Variants in OSBPL1A observed in about 807,000 individuals in gnomAD.
The protein encoded by OSBPL1A is oxysterol binding protein like 1A, also known as oxysterol-binding protein-related protein 1.
Under a neutral mutation model 137.1 loss-of-function variants are expected in OSBPL1A, and 80 were observed. The ratio of observed to expected loss-of-function variants is 0.58; its 90% confidence interval spans 0.49 to 0.70. OSBPL1A has a LOEUF of 0.70. Among genes scored for constraint, OSBPL1A ranks in the 30% least tolerant of loss-of-function variants. The pLI is 0.00. For synonymous variants in OSBPL1A, 365 were observed against 389.7 expected (o/e 0.94, Z 0.75); for missense variants, 970 against 1,129.4 (o/e 0.86, Z 2.02).
rs1305468927 is a variant in OSBPL1A at position 24,260,796 on chromosome 18, T to G, written c.1281+20046A>C. 4.0e-5 allele frequency among the ~76,000 whole-genome samples: 6 copies of G among 149,726 alleles called. No homozygotes were observed. In the South Asian group the frequency reaches 1.3e-3, roughly 32 times the overall value. On this transcript the variant is annotated intron_variant, in intron 15 of 27. Transcript: ENST00000319481. ...GCTCAAAAGAGTGAATTTTATGTTATGTGAATTCTATCCCATTTTTCCCCA... is the reference window on the plus strand; with the variant it reads ...GCTCAAAAGAGTGAATTTTATGTTAGGTGAATTCTATCCCATTTTTCCCCA...
intron 24 of OSBPL1A, among the ~76,000 whole-genome samples, chr18:24,167,920 T>C (rs953344834): frequency 2.0e-5 from 3 of 152,164 alleles, no homozygotes; most frequent in Non-Finnish European, 2.9e-5. Context: ...TTGAACACAG[T>C]GTGGGAAGCC....
Position 24,288,566 on chromosome 18 carries a change from G to A in OSBPL1A, c.1175-7618C>T, listed in dbSNP as rs10460093. On this transcript the variant is annotated intron_variant, in intron 14 of 27. Coordinates refer to ENST00000319481, the MANE Select transcript of OSBPL1A (RefSeq NM_080597.4). Reference sequence around the variant, plus strand: ...GCAGATCACCTGAGGTCAGAAGTTCGAGACTAGCCTGGCCAACATGGTGAA... The same window carrying A: ...GCAGATCACCTGAGGTCAGAAGTTCAAGACTAGCCTGGCCAACATGGTGAA... Among the ~76,000 whole-genome samples, 1,712 of 152,176 alleles carry A rather than the reference G, an allele frequency of 0.011. 161 individuals are homozygous for A. The East Asian group carries it at 0.25, about 22-fold the overall frequency.
At chr18:24,200,608 T>C (rs1437436377) in intron 17 of OSBPL1A, among the ~76,000 whole-genome samples, 1 of 150,800 alleles carries the variant, frequency 6.6e-6, no homozygotes, top group Non-Finnish European at 1.5e-5. Flanking sequence ...TCAGTCGTAC[T>C]ACCCAGATTT....
intron 15 of OSBPL1A, among the ~76,000 whole-genome samples, chr18:24,276,325 G>C (rs1448110955): frequency 1.3e-5 from 2 of 152,156 alleles, no homozygotes; most frequent in Non-Finnish European, 2.9e-5. Flanking sequence ...CTGTTATACT[G>C]TTTCCAAGAA....
chr18:24,264,617 T>C (rs987715992), intron 15 of OSBPL1A, among the ~76,000 whole-genome samples: 1 of 152,210 alleles, frequency 6.6e-6, no homozygotes, highest in African/African-American at 2.4e-5. Context: ...CAATTTCCTG[T>C]TGAGAACCTG....
chr18:24,319,751 G>A (rs2090808612), intron 7 of OSBPL1A, among the ~76,000 whole-genome samples: 1 of 152,110 alleles, frequency 6.6e-6, no homozygotes, highest in Admixed American at 6.6e-5. Context: ...TATTATTAGA[G>A]AAATGAAAGC....
At chr18:24,170,503 A>T (rs2086250190) in intron 23 of OSBPL1A, 50 bp from the exon 24 acceptor site, 1 of 1,610,254 alleles carries the variant, frequency 6.2e-7, no homozygotes, top group Admixed American at 1.7e-5. Context: ...TTGTTTTTTT[A>T]AAGCCGACAG....
chr18:24,383,224 T>A (rs1166173413), intron 1 of OSBPL1A, among the ~76,000 whole-genome samples: 1 of 152,228 alleles, frequency 6.6e-6, no homozygotes, highest in Non-Finnish European at 1.5e-5. Context: ...TTTTTAAATA[T>A]ATTTTCAATC....
chr18:24,210,825 C>T (rs745582350), intron 17 of OSBPL1A, among the ~76,000 whole-genome samples: 1 of 152,038 alleles, frequency 6.6e-6, no homozygotes, highest in East Asian at 1.9e-4. Context: ...TGTGAGCCAT[C>T]GTATCTGGTA....
intron 15 of OSBPL1A, among the ~76,000 whole-genome samples, chr18:24,280,038 C>T (rs1357389637): frequency 1.3e-5 from 2 of 152,136 alleles, no homozygotes; most frequent in Non-Finnish European, 2.9e-5. Flanking sequence ...CCTCTGCCTC[C>T]CAGGCTCAAG....
chr18:24,315,632 T>G (rs1399932842), intron 11 of OSBPL1A, among the ~76,000 whole-genome samples: 1 of 99,446 alleles, frequency 1.0e-5, no homozygotes, highest in Non-Finnish European at 2.0e-5. Context: ...ATTAATTATA[T>G]ATATTATATA....
intron 5 of OSBPL1A, among the ~76,000 whole-genome samples, chr18:24,335,179 C>T (rs2091154009): frequency 6.6e-6 from 1 of 152,224 alleles, no homozygotes; most frequent in Non-Finnish European, 1.5e-5. Context: ...GCATGAGCCA[C>T]CTTGCCTATT....
intron 4 of OSBPL1A, among the ~76,000 whole-genome samples, chr18:24,359,209 C>A (rs1374422657): frequency 6.6e-6 from 1 of 151,714 alleles, no homozygotes; most frequent in Non-Finnish European, 1.5e-5. Flanking sequence ...CAGAGCGAGA[C>A]CCTGTCTATA....
intron 17 of OSBPL1A, among the ~76,000 whole-genome samples, chr18:24,222,234 A>G (rs982974605): frequency 6.6e-6 from 1 of 150,788 alleles, no homozygotes; most frequent in African/African-American, 2.5e-5. Flanking sequence ...TTTAAAATCT[A>G]TTAGGTTGAC....
In OSBPL1A at chr18:24,167,534, G is replaced by T; in HGVS notation, c.2419-89C>A. The T allele has an allele frequency of 4.7e-6, 5 of 1,070,510 alleles. No individual in the cohort carries two copies. The Admixed American group carries it at 5.1e-5, about 11-fold the overall frequency. 66.3% of individuals were successfully genotyped at this position (1,070,510 alleles called of 1,614,324 possible). On this transcript the variant is annotated intron_variant, in intron 24 of 27. Transcript: ENST00000319481. ...ATAATGACATTTTCAGTCAACAACA[G>T]ACTGTAAATATGATGGCAGTCCCCT...
At chr18:24,362,686 C>T (rs916492443) in intron 4 of OSBPL1A, among the ~76,000 whole-genome samples, 3 of 152,128 alleles carry the variant, frequency 2.0e-5, no homozygotes, top group Admixed American at 6.6e-5. Context: ...CACTCTATGT[C>T]ATAGTTAATT....
At chr18:24,239,089 A>G (rs548317791) in intron 16 of OSBPL1A, 131 bp downstream of exon 16, 26 of 1,078,540 alleles carry the variant, frequency 2.4e-5, no homozygotes, top group African/African-American at 9.5e-5. Context: ...ATACCAATAC[A>G]TCGCTATCTG....
intron 17 of OSBPL1A, among the ~76,000 whole-genome samples, chr18:24,199,649 T>C (rs540327229): frequency 2.0e-5 from 3 of 152,244 alleles, no homozygotes; most frequent in Non-Finnish European, 4.4e-5. Flanking sequence ...ACCTCTTTTG[T>C]AAAGAATTTA....
In OSBPL1A at chr18:24,271,879, G is replaced by T. The variant is rs2089729286; in HGVS notation, c.1281+8963C>A. On this transcript the variant is annotated intron_variant, in intron 15 of 27. Coordinates refer to ENST00000319481, the MANE Select transcript of OSBPL1A (RefSeq NM_080597.4). This position sits in a 1 kb window ranked among gnomAD's most constrained non-coding sequence, Gnocchi z 4.0. ...GAGGCGTTGCCCGCCAGCGGCCCAG[G>T]ACTCCCGCGCCGCGCCCGCCCGGGC... The T allele has an allele frequency of 1.0e-6, 1 of 984,936 alleles. No homozygotes were observed. Among genetic ancestry groups the T allele is most frequent in the Middle Eastern group, 5.2e-4 (1 of 1,912 alleles). The allele number at this position is 984,936 out of a possible 1,614,324, so 61.0% of individuals were successfully genotyped here.
Sources: allele counts gnomAD v4.1 joint callset (sites outside exome capture counted in the v4.1 genomes callset), GRCh38; gene constraint gnomAD v4.1.1; non-coding constraint Gnocchi (gnomAD v3.1); transcripts MANE v1.5; gene names NCBI Gene and HGNC (gene_info 2026-07-23, HGNC 2026-07-21).